The following PHRF1 variants were observed in gnomAD, a reference collection of about 807,000 sequenced individuals.
PHRF1 encodes the protein PHD and ring finger domains 1.
In PHRF1, 53 loss-of-function variants were observed where a neutral mutation model predicts 128.9. The observed-to-expected ratio is 0.41, with a 90% CI of 0.33 to 0.52. The LOEUF (loss-of-function observed/expected upper bound fraction) is 0.52, where lower values mean the gene tolerates loss of function less well. Among genes scored for constraint, PHRF1 ranks in the 20% least tolerant of loss-of-function variants. PHRF1 has a pLI of 0.21. For missense variants in PHRF1, 2,503 were observed against 2,284.5 expected (o/e 1.10, Z -1.95); for synonymous variants, 1,178 against 980.6 (o/e 1.20, Z -3.76).
rs1855373672 is a variant in PHRF1, at chr11:597,633, C to G, written c.894+63C>G. 1 of 1,352,296 alleles carries G rather than the reference C, an allele frequency of 7.4e-7. No homozygotes were observed. Among genetic ancestry groups the G allele is most frequent in the East Asian group, 2.9e-5 (1 of 34,942 alleles). The allele number at this position is 1,352,296 out of a possible 1,614,324, so 83.8% of individuals were successfully genotyped here. ...AGCTGCCCAGAGTGATCTCGGCAGT[C>G]TGGGTGGGTGGGAGGGGCGTCGTCG... On this transcript the variant is annotated intron_variant, in intron 8 of 17. Coordinates refer to ENST00000264555, the MANE Select transcript of PHRF1 (RefSeq NM_001286581.2). This position sits in a 1 kb window ranked among gnomAD's most constrained non-coding sequence, Gnocchi z 6.5.
chr11:585,816 G>A (rs1435588209), intron 3 of PHRF1, among the ~76,000 whole-genome samples: 1 of 151,364 alleles, frequency 6.6e-6, no homozygotes, highest in Non-Finnish European at 1.5e-5. Flanking sequence ...AAGTAGCTGG[G>A]ACTATAGGCA....
rs921333681 is a variant in PHRF1 at position 607,417 on chromosome 11, C to G, written c.1961C>G (p.Ser654Cys). Residue 654 changes from serine (S) to cysteine (C), a missense_variant, in exon 14 of 18, where the codon TCT becomes TGT. By Grantham distance (112) the Ser-to-Cys change is moderately radical (BLOSUM62 -1). Coordinates refer to ENST00000264555, the MANE Select transcript of PHRF1 (RefSeq NM_001286581.2). ...GCGTCTAAGATCTCAAGCAGAGATT[C>G]TAAGCCCCCATGTCGCAGTGTGGTG... ...SAASKISSRDSKPPCRSVVPG... is the reference protein window; with the variant it reads ...SAASKISSRDCKPPCRSVVPG... 15 of 1,612,858 alleles carry G rather than the reference C, an allele frequency of 9.3e-6. No homozygotes were observed. The highest frequency in any genetic ancestry group is 1.3e-5 in the Non-Finnish European group (15 of 1,179,886).
At chr11:582,450 G>A (rs1854263678) in intron 3 of PHRF1, among the ~76,000 whole-genome samples, 1 of 151,914 alleles carries the variant, frequency 6.6e-6, no homozygotes, top group African/African-American at 2.4e-5. Flanking sequence ...TGTATCTTTA[G>A]TAGAGACGGG....
chr11:596,813 A>T, intron 6 of PHRF1, 110 bp from the exon 7 acceptor site: 1 of 860,784 alleles, frequency 1.2e-6, no homozygotes, highest in Non-Finnish European at 1.9e-6. Flanking sequence ...AACAGAATGC[A>T]TCGCAGACTT....
chr11:582,107 C>G lies in PHRF1; in HGVS notation c.214+26C>G, dbSNP rs199744691. ...GTGAGACAGCTGGTGTTCACGCCGGCTCCTGTGTTTCCTCTTGTCGTGATG... is the reference window on the plus strand; with the variant it reads ...GTGAGACAGCTGGTGTTCACGCCGGGTCCTGTGTTTCCTCTTGTCGTGATG... On this transcript the variant is annotated intron_variant, in intron 3 of 17. Transcript: ENST00000264555. 2.5e-4 allele frequency: 388 copies of G among 1,565,328 alleles called. 4 individuals carry two copies. In the East Asian group the frequency reaches 8.2e-3, roughly 33 times the overall value.
rs139163146 is a variant in PHRF1 at position 577,168 on chromosome 11, C to G, written c.-22+576C>G. ...TTTCCTATTCCTTAACTCTTGCAGT[C>G]CTCACAAGAGCCTCTCAGGTGTAGG... On this transcript the variant is annotated intron_variant, in intron 1 of 17. Transcript: ENST00000264555. Among the ~76,000 whole-genome samples, 5 of 152,342 alleles carry G rather than the reference C, an allele frequency of 3.3e-5. No homozygotes were observed. The East Asian group carries it at 9.6e-4, about 29-fold the overall frequency.
In PHRF1 at chr11:597,007, T is replaced by A; in HGVS notation, c.705T>A (p.Val235=). ...WFCPECAAPG[V]VLAADAGPVS... is the part of the protein sequence containing the mutation. ...GCCCGGAATGTGCTGCGCCTGGTGT[T>A]GTCCTTGCCGCTGGTAAGGACACTG... The change falls in exon 7 of 18, where the codon GTT becomes GTA. Residue 235 remains valine, a synonymous_variant. Coordinates refer to ENST00000264555, the MANE Select transcript of PHRF1 (RefSeq NM_001286581.2). The surrounding 1 kb of genome is among the most constrained non-coding windows in gnomAD (Gnocchi z 6.5). 6.2e-7 allele frequency: 1 copy of A among 1,613,806 alleles called. No homozygotes were observed. Among genetic ancestry groups the A allele is most frequent in the Non-Finnish European group, 8.5e-7 (1 of 1,179,856 alleles).
At chr11:590,828 C>T (rs957739536) in intron 4 of PHRF1, among the ~76,000 whole-genome samples, 2 of 152,024 alleles carry the variant, frequency 1.3e-5, no homozygotes, top group Non-Finnish European at 2.9e-5. Context: ...CTCAGCCTCC[C>T]GAGTAGCTGG....
chr11:610,318 C>T lies in PHRF1; in HGVS notation c.4387C>T (p.Pro1463Ser). 1 of 1,565,842 alleles carries T rather than the reference C, an allele frequency of 6.4e-7. No individual in the cohort carries two copies. Among genetic ancestry groups the T allele is most frequent in the Non-Finnish European group, 8.7e-7 (1 of 1,155,492 alleles). ...CTTTCCCAGTCACGTGCTTCCGGAA[C>T]CCGGGTTCCCAGACACAGACCCCTC... Reference protein sequence around the residue: ...LPFPSHVLPEPGFPDTDPSQV... With the variant: ...LPFPSHVLPESGFPDTDPSQV... Residue 1463 changes from proline to serine, a missense_variant, in exon 15 of 18, where the codon CCC becomes TCC. Coordinates refer to ENST00000264555, the MANE Select transcript of PHRF1 (RefSeq NM_001286581.2).
At chr11:584,729 CTTT>C (rs869125196) in intron 3 of PHRF1, among the ~76,000 whole-genome samples, 24 of 90,322 alleles carry the variant, frequency 2.7e-4, no homozygotes, top group Non-Finnish European at 3.6e-4. Context: ...TCTCCAGGAC[CTTT>C]TTTTTTTTTT....
At chr11:595,655 G>T (rs1214995698) in intron 6 of PHRF1, among the ~76,000 whole-genome samples, 1 of 152,252 alleles carries the variant, frequency 6.6e-6, no homozygotes, top group Non-Finnish European at 1.5e-5. Flanking sequence ...CACAGGCCTG[G>T]CCTGGCTGTG....
At position 581,977 on chromosome 11, in the gene PHRF1, G is replaced by T; in HGVS notation, c.110G>T (p.Gly37Val). Residue 37 changes from glycine to valine, a missense_variant, in exon 3 of 18, where the codon GGC (glycine) becomes GTC (valine). Gly to Val is a moderately radical substitution (Grantham distance 109, BLOSUM62 -3). Coordinates refer to ENST00000264555, the MANE Select transcript of PHRF1 (RefSeq NM_001286581.2). ...PAGDFEESSV[G>V]SSGDSGDDSD... Reference sequence around the variant, plus strand: ...TGGTGTCTAGAAGAAAGCAGCGTGGGCAGCAGTGGGGACTCTGGGGACGAC... The same window carrying T: ...TGGTGTCTAGAAGAAAGCAGCGTGGTCAGCAGTGGGGACTCTGGGGACGAC... 6.2e-7 allele frequency: 1 copy of T among 1,603,382 alleles called. No homozygotes were observed. The highest frequency in any genetic ancestry group is 8.5e-7 in the Non-Finnish European group (1 of 1,175,238).
chr11:601,024 G>C (rs1364153932), intron 9 of PHRF1, among the ~76,000 whole-genome samples: 1 of 152,136 alleles, frequency 6.6e-6, no homozygotes, highest in African/African-American at 2.4e-5. Context: ...GGTGGCACAT[G>C]CCTGTAATCC....
chr11:608,437 G>C lies in PHRF1; in HGVS notation c.2981G>C (p.Arg994Pro). Residue 994 changes from arginine to proline, a missense_variant, in exon 14 of 18, where the codon CGC (arginine) becomes CCC (proline). Coordinates refer to ENST00000264555, the MANE Select transcript of PHRF1 (RefSeq NM_001286581.2). ...GAGCTCAGGCCCCCTTCCCGGTCCC[G>C]CTCCACATCCAGCTCCCGCAGCAGG... ...VVELRPPSRS[R>P]STSSSRSRKK... The C allele has an allele frequency of 6.2e-7, 1 of 1,611,762 alleles. No individual in the cohort carries two copies. Among genetic ancestry groups the C allele is most frequent in the Non-Finnish European group, 8.5e-7 (1 of 1,179,584 alleles).
intron 3 of PHRF1, among the ~76,000 whole-genome samples, chr11:587,052 C>T (rs1854609146): frequency 2.0e-5 from 3 of 152,126 alleles, no homozygotes; most frequent in South Asian, 2.1e-4. Flanking sequence ...GCAGGGCACC[C>T]GAGGCTTCAG....
intron 6 of PHRF1, among the ~76,000 whole-genome samples, chr11:594,178 C>T (rs1201776186): frequency 2.0e-5 from 3 of 152,216 alleles, no homozygotes; most frequent in African/African-American, 7.2e-5. Context: ...CTCTTTTGTC[C>T]TCTTTACCTG....
chr11:608,946 C>T lies in PHRF1; in HGVS notation c.3490C>T (p.Arg1164Trp), dbSNP rs763635638. Reference sequence around the variant, plus strand: ...CCGAGACCGGAGGAAGCGGAGGTCCCGGTCCCCAAGCTCGGAGCACAGGGC... The same window carrying T: ...CCGAGACCGGAGGAAGCGGAGGTCCTGGTCCCCAAGCTCGGAGCACAGGGC... ...WPRDRRKRRS[R>W]SPSSEHRARE... is the part of the protein sequence containing the mutation. The change falls in exon 14 of 18, where the codon CGG (arginine) becomes TGG (tryptophan). Residue 1164 changes from arginine (R) to tryptophan (W), a missense_variant. Coordinates refer to ENST00000264555, the MANE Select transcript of PHRF1 (RefSeq NM_001286581.2). 1.8e-5 allele frequency: 29 copies of T among 1,610,566 alleles called. No individual in the cohort carries two copies. The highest frequency in any genetic ancestry group is 3.3e-4 in the Middle Eastern group (2 of 6,048).
chr11:609,004 AGTG>A lies in PHRF1; in HGVS notation c.3550_3552del (p.Trp1184del). On this transcript the variant is annotated inframe_deletion, in exon 14 of 18. Transcript: ENST00000264555. Reference sequence around the variant, plus strand: ...CACAGGCGGCCTCGGTCCCGTGAGAAGTGGCCGCAGACCCGGTCCCATTCCCCA... The same window carrying A: ...CACAGGCGGCCTCGGTCCCGTGAGAAGCCGCAGACCCGGTCCCATTCCCCA... 6.2e-7 allele frequency: 1 copy of A among 1,600,572 alleles called. No individual in the cohort carries two copies. Among genetic ancestry groups the A allele is most frequent in the Non-Finnish European group, 8.5e-7 (1 of 1,174,640 alleles).
intron 4 of PHRF1, among the ~76,000 whole-genome samples, chr11:587,980 CT>C (rs1854683511): frequency 6.6e-6 from 1 of 152,228 alleles, no homozygotes; most frequent in Non-Finnish European, 1.5e-5. Flanking sequence ...CAGCTCCCCC[CT>C]CCCTTTCTGA....
Sources: allele counts gnomAD v4.1 joint callset (sites outside exome capture counted in the v4.1 genomes callset), GRCh38; gene constraint gnomAD v4.1.1; non-coding constraint Gnocchi (gnomAD v3.1); transcripts MANE v1.5; gene names NCBI Gene and HGNC (gene_info 2026-07-23, HGNC 2026-07-21).